Variants in ASPH observed in about 807,000 individuals in gnomAD.
The protein encoded by ASPH is aspartate beta-hydroxylase.
Under a neutral mutation model 118.4 loss-of-function variants are expected in ASPH, and 100 were observed. That is an observed-to-expected ratio of 0.84 (90% confidence interval 0.72 to 1.00). The LOEUF is 1.00. Among genes scored for constraint, ASPH ranks in the 50% least tolerant of loss-of-function variants. The pLI is 0.00. For synonymous variants in ASPH, 315 were observed against 325.6 expected, an observed-to-expected ratio of 0.97 and a Z score of 0.35; for missense variants, 920 against 919.5, an observed-to-expected ratio of 1.00 and a Z score of -0.01.
At chr8:61,593,831 C>T (rs1267314063) in intron 14 of ASPH, among the ~76,000 whole-genome samples, 1 of 152,196 alleles carries the variant, frequency 6.6e-6, no homozygotes, top group Non-Finnish European at 1.5e-5. Context: ...CAGTGCCAGA[C>T]ACTGAATTTT....
chr8:61,590,814 G>A (rs1840893994), intron 14 of ASPH, among the ~76,000 whole-genome samples: 1 of 151,810 alleles, frequency 6.6e-6, no homozygotes, highest in South Asian at 2.1e-4. Context: ...TATCTTCCTG[G>A]AAAACCCTTT....
In ASPH at chr8:61,551,648, C is replaced by T. The variant is rs550135780; in HGVS notation, c.1626+1383G>A. Among the ~76,000 whole-genome samples, 89 of 152,240 alleles carry T rather than the reference C, an allele frequency of 5.8e-4. 1 individual carries two copies. In the South Asian group the frequency reaches 0.018, roughly 31 times the overall value. On this transcript the variant is annotated intron_variant, in intron 20 of 24. Coordinates refer to ENST00000379454, the MANE Select transcript of ASPH (RefSeq NM_004318.4). ...TCTAAGATGTGAGATAAATCATAGG[C>T]TTCTTTCATCTGTCTTTGCCCTGGA...
At chr8:61,587,460 A>G (rs548010148) in intron 14 of ASPH, among the ~76,000 whole-genome samples, 2 of 152,360 alleles carry the variant, frequency 1.3e-5, no homozygotes, top group Admixed American at 1.3e-4. Flanking sequence ...GCAGCTGAGT[A>G]GACAGTTTCA....
At chr8:61,604,680 A>T (rs2133625073) in intron 14 of ASPH, among the ~76,000 whole-genome samples, 1 of 152,294 alleles carries the variant, frequency 6.6e-6, no homozygotes, top group South Asian at 2.1e-4. Context: ...ACAGCACACC[A>T]CATGTTTTGG....
At chr8:61,661,546 A>C (rs1249310176) in intron 3 of ASPH, 1 of 164,354 alleles carries the variant, frequency 6.1e-6, no homozygotes, top group African/African-American at 2.4e-5. Flanking sequence ...AGAAGAAATA[A>C]TTGAGGACAC....
chr8:61,673,000 T>C (rs1172787940), intron 3 of ASPH, among the ~76,000 whole-genome samples: 1 of 152,206 alleles, frequency 6.6e-6, no homozygotes, highest in African/African-American at 2.4e-5. Flanking sequence ...CTGGCTGTGC[T>C]AGATCTAATT....
chr8:61,656,391 T>G (rs1813695896), intron 3 of ASPH: 1 of 152,204 alleles, frequency 6.6e-6, no homozygotes, highest in Non-Finnish European at 1.5e-5. Context: ...TGCAAGCTTC[T>G]TTTTCAGACA....
chr8:61,706,404 C>CAAAAAAAAAAAAAAA (rs55731088), intron 1 of ASPH, among the ~76,000 whole-genome samples: 4 of 70,560 alleles, frequency 5.7e-5, no homozygotes, highest in African/African-American at 5.9e-5. Flanking sequence ...GGTCATGACT[C>CAAAAAAAAAAAAAAA]AAAAAAAAAA....
intron 14 of ASPH, among the ~76,000 whole-genome samples, chr8:61,617,700 G>A (rs1387318064): frequency 6.6e-6 from 1 of 152,096 alleles, no homozygotes; most frequent in African/African-American, 2.4e-5. Context: ...GGAGGCCGAG[G>A]TGGGAGGATT....
chr8:61,600,448 T>C (rs1843664340), intron 14 of ASPH, among the ~76,000 whole-genome samples: 1 of 151,412 alleles, frequency 6.6e-6, no homozygotes, highest in Non-Finnish European at 1.5e-5. Flanking sequence ...TTGTCCTGTT[T>C]GCAGAAAACA....
At chr8:61,617,541 G>A (rs970410069) in intron 14 of ASPH, among the ~76,000 whole-genome samples, 1 of 152,124 alleles carries the variant, frequency 6.6e-6, no homozygotes, top group Non-Finnish European at 1.5e-5. Flanking sequence ...TAATCTCACC[G>A]ATCTATAAAA....
At chr8:61,667,124 T>C (rs919073173) in intron 3 of ASPH, among the ~76,000 whole-genome samples, 2 of 152,108 alleles carry the variant, frequency 1.3e-5, no homozygotes, top group African/African-American at 4.8e-5. Context: ...GTAAGTCTCA[T>C]CTGTTCATAT....
chr8:61,581,032 AAT>A (rs1837360935), intron 15 of ASPH, among the ~76,000 whole-genome samples: 1 of 152,244 alleles, frequency 6.6e-6, no homozygotes, highest in Non-Finnish European at 1.5e-5. Context: ...AAAACATAAG[AAT>A]AACAATGTTC....
At chr8:61,597,467 T>C (rs1173934701) in intron 14 of ASPH, among the ~76,000 whole-genome samples, 1 of 152,140 alleles carries the variant, frequency 6.6e-6, no homozygotes, top group Non-Finnish European at 1.5e-5. Context: ...GAAAACTTAT[T>C]TAATGAAATA....
At chr8:61,561,327 G>A (rs1829900917) in intron 18 of ASPH, among the ~76,000 whole-genome samples, 1 of 152,156 alleles carries the variant, frequency 6.6e-6, no homozygotes, top group African/African-American at 2.4e-5. Flanking sequence ...ATTAACAAAT[G>A]CAATGTTCCA....
At chr8:61,665,604 T>C in intron 3 of ASPH, 9 of 1,563,702 alleles carry the variant, frequency 5.8e-6, no homozygotes, top group Non-Finnish European at 6.9e-6. Context: ...GTGAGTTCTT[T>C]AACTTTCAGA....
rs1164609678 is a variant in ASPH at position 61,500,782 on chromosome 8, A to T, written c.*2577T>A. 1 of 152,208 alleles carries T rather than the reference A, an allele frequency of 6.6e-6. No homozygotes were observed. Among genetic ancestry groups the T allele is most frequent in the African/African-American group, 2.4e-5 (1 of 41,464 alleles). 9.4% of individuals were successfully genotyped at this position (152,208 alleles called of 1,614,324 possible). ...TACCAGTTGGTGCTCAAAGTCAAACAAAAATATTTTAGTTAATAATGGGCA... is the reference window on the plus strand; with the variant it reads ...TACCAGTTGGTGCTCAAAGTCAAACTAAAATATTTTAGTTAATAATGGGCA... On this transcript the variant is annotated 3_prime_UTR_variant, in exon 25 of 25. Transcript: ENST00000379454.
At chr8:61,525,168 A>T (rs57787482) in intron 22 of ASPH, among the ~76,000 whole-genome samples, 2,421 of 152,270 alleles carry the variant, frequency 0.016, 62 homozygotes, top group African/African-American at 0.055. Context: ...TGCATATTAC[A>T]ATCTGAATTT....
At chr8:61,713,590 C>G (rs1296554234) in intron 1 of ASPH, among the ~76,000 whole-genome samples, 2 of 152,196 alleles carry the variant, frequency 1.3e-5, no homozygotes, top group African/African-American at 4.8e-5. Flanking sequence ...TCTGTTCTCT[C>G]TGCTGGATAT....
Sources: allele counts gnomAD v4.1 joint callset (sites outside exome capture counted in the v4.1 genomes callset), GRCh38; gene constraint gnomAD v4.1.1; transcripts MANE v1.5; gene names NCBI Gene and HGNC (gene_info 2026-07-23, HGNC 2026-07-21).